CDK12: variants seen among roughly 807,000 people sequenced by gnomAD.
The protein encoded by CDK12 is cyclin dependent kinase 12, also known as cyclin-dependent kinase 12.
CDK12 carries 17 observed loss-of-function variants against 133.8 expected under a neutral mutation model. The observed-to-expected ratio is 0.13, with a 90% CI of 0.09 to 0.19. The LOEUF (loss-of-function observed/expected upper bound fraction) is 0.19. CDK12 is among the 10% of genes least tolerant of loss of function. The pLI is 1.00. For synonymous variants in CDK12, 694 were observed against 683.6 expected, an observed-to-expected ratio of 1.02 and a Z score of -0.24; for missense variants, 1,508 against 1,818.7, an observed-to-expected ratio of 0.83 and a Z score of 3.11.
chr17:39,543,624 A>G (rs1449698297), upstream of CDK12, among the ~76,000 whole-genome samples: 1 of 152,260 alleles, frequency 6.6e-6, no homozygotes, highest in East Asian at 1.9e-4. Flanking sequence ...AGATCCCAGT[A>G]CATATCCTTT....
At chr17:39,510,255 T>C (rs929930161) in intron 7 of CDK12, among the ~76,000 whole-genome samples, 2 of 150,240 alleles carry the variant, frequency 1.3e-5, no homozygotes, top group African/African-American at 4.9e-5. Context: ...GAGTAGCTGG[T>C]ATTACAGGTG....
chr17:39,476,693 A>G (rs2050215421), intron 2 of CDK12, among the ~76,000 whole-genome samples: 1 of 120,090 alleles, frequency 8.3e-6, no homozygotes, highest in African/African-American at 3.2e-5. Context: ...GATTACAGGC[A>G]TGAGCCACCA....
chr17:39,465,389 A>G (rs1006269192), intron 1 of CDK12, among the ~76,000 whole-genome samples: 1 of 140,090 alleles, frequency 7.1e-6, no homozygotes, highest in African/African-American at 2.6e-5. Flanking sequence ...GTTTACCATT[A>G]GCTGGATTAC....
At position 39,507,642 on chromosome 17, in the gene CDK12, G is replaced by A. The variant is rs184904830; in HGVS notation, c.2610-2063G>A. ...TTTAGTACCTAGTATGAGCCAGGCA[G>A]GAAATATGTTAGATGCTGGTGATAT... is the stretch of plus-strand genomic sequence containing the variant. On this transcript the variant is annotated intron_variant, in intron 6 of 13. Transcript: ENST00000447079. 4.6e-4 allele frequency among the ~76,000 whole-genome samples: 70 copies of A among 152,228 alleles called. 2 individuals carry two copies. The East Asian group carries it at 0.013, about 29-fold the overall frequency.
At chr17:39,558,591 T>TA (rs1253371734) in intron 3 of CDK12, among the ~76,000 whole-genome samples, 1 of 152,210 alleles carries the variant, frequency 6.6e-6, no homozygotes, top group East Asian at 1.9e-4. Context: ...TTTTCTGTTA[T>TA]AAAAAATACC....
rs979027283 is a variant in CDK12, at chr17:39,532,758, C to T, written c.*1442C>T. 4.3e-6 allele frequency: 1 copy of T among 232,752 alleles called. No individual in the cohort carries two copies. Among genetic ancestry groups the T allele is most frequent in the African/African-American group, 2.2e-5 (1 of 45,272 alleles). The allele number at this position is 232,752 out of a possible 1,614,324, so 14.4% of individuals were successfully genotyped here. A position where few individuals can be genotyped will look rare whatever the true frequency, so the allele number is the denominator to read the frequency against. On this transcript the variant is annotated 3_prime_UTR_variant, in exon 14 of 14. Coordinates refer to ENST00000447079, the MANE Select transcript of CDK12 (RefSeq NM_016507.4). ...GTTAAATTGTGCTTCCAGGCAAGAA[C>T]TTTGCCTTATCATAAACAGGAAATG...
At chr17:39,549,011 T>G (rs187263589), upstream of CDK12, 2 of 152,258 alleles carry the variant, frequency 1.3e-5, no homozygotes. Flanking sequence ...GCAGTGCAGA[T>G]TAAAATCTCC....
In CDK12 at chr17:39,501,248, A is replaced by G; in HGVS notation, c.2420-2A>G. 1 of 1,499,302 alleles carries G rather than the reference A, an allele frequency of 6.7e-7. No individual in the cohort carries two copies. 92.9% of individuals were successfully genotyped at this position (1,499,302 alleles called of 1,614,324 possible). ...TTTTAATTTTTTTTCGTCTTTATGT[A>G]GGTGCCTTTTACCTTGTATTTGAGT... On this transcript the variant is annotated splice_acceptor_variant, in intron 5 of 13. Coordinates refer to ENST00000447079, the MANE Select transcript of CDK12 (RefSeq NM_016507.4). LOFTEE classifies it high-confidence loss of function.
At chr17:39,474,818 G>T in intron 2 of CDK12, among the ~76,000 whole-genome samples, 1 of 105,636 alleles carries the variant, frequency 9.5e-6, no homozygotes, top group African/African-American at 3.9e-5. Context: ...TTACCAGACT[G>T]CCAAAATCTG....
chr17:39,534,003 T>C lies in CDK12; in HGVS notation c.*2687T>C, dbSNP rs2055014661. 1 of 232,342 alleles carries C rather than the reference T, an allele frequency of 4.3e-6. No individual in the cohort carries two copies. Among genetic ancestry groups the C allele is most frequent in the African/African-American group, 2.2e-5 (1 of 45,298 alleles). 14.4% of individuals were successfully genotyped at this position (232,342 alleles called of 1,614,324 possible). ...AATTATTGTACAATGAGAGATATTG[T>C]CTATTAAATACATTATTTTGAACAG... On this transcript the variant is annotated 3_prime_UTR_variant, in exon 14 of 14. Transcript: ENST00000447079.
chr17:39,469,530 T>C (rs1004325780), intron 1 of CDK12, among the ~76,000 whole-genome samples: 2 of 152,224 alleles, frequency 1.3e-5, no homozygotes, highest in African/African-American at 4.8e-5. Context: ...TTTTCTGGGC[T>C]CTGCCATTTA....
downstream of CDK12, among the ~76,000 whole-genome samples, chr17:39,535,868 A>G (rs914542508): frequency 6.6e-6 from 1 of 152,184 alleles, no homozygotes; most frequent in Non-Finnish European, 1.5e-5. Context: ...AATCATCCAT[A>G]AGGGCTAAGT....
chr17:39,500,844 G>A (rs2052665696), intron 5 of CDK12, among the ~76,000 whole-genome samples: 1 of 151,228 alleles, frequency 6.6e-6, no homozygotes, highest in Admixed American at 6.6e-5. Context: ...CTCCCACCTC[G>A]GCCTCCCAAG....
At chr17:39,485,262 T>G (rs2051026505) in intron 2 of CDK12, among the ~76,000 whole-genome samples, 1 of 151,526 alleles carries the variant, frequency 6.6e-6, no homozygotes, top group Admixed American at 6.6e-5. Flanking sequence ...TTTGAGCTCA[T>G]AAAGTAAACA....
At chr17:39,478,532 A>G (rs1320252450) in intron 2 of CDK12, among the ~76,000 whole-genome samples, 1 of 152,138 alleles carries the variant, frequency 6.6e-6, no homozygotes, top group Non-Finnish European at 1.5e-5. Flanking sequence ...ATATAAATAA[A>G]TTATTAAAGG....
intron 1 of CDK12, among the ~76,000 whole-genome samples, chr17:39,465,785 A>G (rs1036775676): frequency 3.3e-5 from 5 of 151,994 alleles, no homozygotes; most frequent in African/African-American, 7.2e-5. Flanking sequence ...GCCAATGCGC[A>G]CAGCCATGCT....
In CDK12 at chr17:39,462,011, G is replaced by A; in HGVS notation, c.-61G>A. 7.2e-7 allele frequency: 1 copy of A among 1,388,876 alleles called. No individual in the cohort carries two copies. Among genetic ancestry groups the A allele is most frequent in the Non-Finnish European group, 9.9e-7 (1 of 1,008,620 alleles). 86.0% of individuals were successfully genotyped at this position (1,388,876 alleles called of 1,614,324 possible). On this transcript the variant is annotated 5_prime_UTR_variant, in exon 1 of 14. Transcript: ENST00000447079. ...TGGAGTTGGGGTTGGGGGGGTGGGT[G>A]GGGGTTGCTTTTTGGAGTGCTGGGG... is the stretch of plus-strand genomic sequence containing the variant.
At chr17:39,544,297 C>T, upstream of CDK12, 1 of 489,306 alleles carries the variant, frequency 2.0e-6, no homozygotes, top group Non-Finnish European at 4.1e-6. Context: ...TGATGTCCAT[C>T]AGTCACCTCT....
At position 39,531,638 on chromosome 17, in the gene CDK12, G is replaced by A. The variant is rs1348991552; in HGVS notation, c.*322G>A. On this transcript the variant is annotated 3_prime_UTR_variant, in exon 14 of 14. Coordinates refer to ENST00000447079, the MANE Select transcript of CDK12 (RefSeq NM_016507.4). Reference sequence around the variant, plus strand: ...AGTTCATTGCCTGCACTTACTGATCGGAAGAGAGAAAGAACAGTTTCAGTA... The same window carrying A: ...AGTTCATTGCCTGCACTTACTGATCAGAAGAGAGAAAGAACAGTTTCAGTA... 2.5e-5 allele frequency: 7 copies of A among 278,812 alleles called. No homozygotes were observed. Among genetic ancestry groups the A allele is most frequent in the Admixed American group, 5.2e-5 (1 of 19,124 alleles). The allele number at this position is 278,812 out of a possible 1,614,324, so 17.3% of individuals were successfully genotyped here. A position where few individuals can be genotyped will look rare whatever the true frequency, so the allele number is the denominator to read the frequency against.
Sources: allele counts gnomAD v4.1 joint callset (sites outside exome capture counted in the v4.1 genomes callset), GRCh38; gene constraint gnomAD v4.1.1; transcripts MANE v1.5; gene names NCBI Gene and HGNC (gene_info 2026-07-23, HGNC 2026-07-21).